Variants in CENPK observed in about 807,000 individuals in gnomAD.
CENPK encodes the protein centromere protein K.
A neutral mutation model predicts 40.9 loss-of-function variants in CENPK; 46 were observed. That is an observed-to-expected ratio of 1.13 (90% CI 0.89 to 1.44). CENPK has a LOEUF of 1.44. Ranked by LOEUF, CENPK falls within the 40% of genes most tolerant of loss-of-function variation. CENPK has a pLI of 0.00. For missense variants in CENPK, 288 were observed against 303.5 expected, an observed-to-expected ratio of 0.95 and a Z score of 0.38; for synonymous variants, 107 against 104.4, an observed-to-expected ratio of 1.02 and a Z score of -0.15.
At chr5:65,552,130 T>C (rs940815919) in intron 4 of CENPK, among the ~76,000 whole-genome samples, 1 of 152,152 alleles carries the variant, frequency 6.6e-6, no homozygotes, top group Non-Finnish European at 1.5e-5. Flanking sequence ...CAGCTAATTT[T>C]TTTGTACTTT....
chr5:65,524,075 A>C (rs1485513996), intron 9 of CENPK, among the ~76,000 whole-genome samples: 1 of 152,176 alleles, frequency 6.6e-6, no homozygotes, highest in Non-Finnish European at 1.5e-5. Flanking sequence ...GATTAAACTT[A>C]ACAACTCTTG....
chr5:65,532,976 T>C (rs1020984100), intron 6 of CENPK, among the ~76,000 whole-genome samples: 1 of 119,384 alleles, frequency 8.4e-6, no homozygotes, highest in Non-Finnish European at 1.8e-5. Context: ...ACCATATCAA[T>C]AGATTTAAAA....
intron 9 of CENPK, among the ~76,000 whole-genome samples, chr5:65,527,535 A>AC (rs1744935050): frequency 6.8e-5 from 5 of 73,922 alleles, no homozygotes; most frequent in Non-Finnish European, 9.3e-5. Context: ...ATATATATAT[A>AC]TATATATATA....
At chr5:65,513,787 C>T (rs1002799537), downstream of CENPK, among the ~76,000 whole-genome samples, 1 of 152,172 alleles carries the variant, frequency 6.6e-6, no homozygotes, top group African/African-American at 2.4e-5. Context: ...TGCCTTGTTT[C>T]TGTTCTTCAA....
chr5:65,532,674 C>A (rs1245549699), intron 6 of CENPK, among the ~76,000 whole-genome samples: 1 of 151,840 alleles, frequency 6.6e-6, no homozygotes, highest in Non-Finnish European at 1.5e-5. Context: ...CTTTCGGAGG[C>A]TGAGGCGGGC....
rs375146580 is a variant in CENPK, at chr5:65,530,720, G to A, written c.289-1521C>T. Among the ~76,000 whole-genome samples the A allele has an allele frequency of 1.9e-3, 283 of 152,176 alleles. 2 individuals carry two copies. Among genetic ancestry groups the A allele is most frequent in the African/African-American group, 6.5e-3 (272 of 41,556 alleles). On this transcript the variant is annotated intron_variant, in intron 6 of 10. Coordinates refer to ENST00000396679, the MANE Select transcript of CENPK (RefSeq NM_022145.5). ...TACTGATAATTAGAGACCAGCCTGG[G>A]CAACATGGTGAAACCCTGTCTCTAT...
chr5:65,520,039 A>G (rs71626580), intron 10 of CENPK, among the ~76,000 whole-genome samples: 7,194 of 152,210 alleles, frequency 0.047, 293 homozygotes, highest in African/African-American at 0.1. Context: ...TGTGTCCCCT[A>G]CCAAATCTCA....
intron 5 of CENPK, among the ~76,000 whole-genome samples, chr5:65,550,219 C>T (rs1749734583): frequency 6.7e-6 from 1 of 150,200 alleles, no homozygotes; most frequent in Admixed American, 6.6e-5. Context: ...CCATTCACAA[C>T]TTGGCTAACT....
chr5:65,507,187 T>C, the CENPK span, among the ~76,000 whole-genome samples: 7 of 152,134 alleles, frequency 4.6e-5, no homozygotes, highest in African/African-American at 7.2e-5. Flanking sequence ...AGATGTCCCA[T>C]GCAGACCAAG....
rs1217910725 is a variant in CENPK, at chr5:65,518,349, T to C, written c.*126A>G. 2 of 875,548 alleles carry C rather than the reference T, an allele frequency of 2.3e-6. No individual in the cohort carries two copies. The highest frequency in any genetic ancestry group is 1.7e-5 in the African/African-American group (1 of 57,876). The allele number at this position is 875,548 out of a possible 1,614,324, so 54.2% of individuals were successfully genotyped here. A position where few individuals can be genotyped will look rare whatever the true frequency, so the allele number is the denominator to read the frequency against. ...TAATAGATGGCAGCACATGCCATTTTGCAATAAAAGTAAGATGGCCTATGC... is the reference window on the plus strand; with the variant it reads ...TAATAGATGGCAGCACATGCCATTTCGCAATAAAAGTAAGATGGCCTATGC... On this transcript the variant is annotated 3_prime_UTR_variant, in exon 11 of 11. Coordinates refer to ENST00000396679, the MANE Select transcript of CENPK (RefSeq NM_022145.5).
intron 9 of CENPK, among the ~76,000 whole-genome samples, chr5:65,526,248 A>C (rs1323995096): frequency 1.3e-5 from 2 of 152,150 alleles, no homozygotes; most frequent in African/African-American, 4.8e-5. Context: ...TGGGACCAGA[A>C]AATAAATCAG....
At chr5:65,535,965 C>T (rs2150411301) in intron 6 of CENPK, among the ~76,000 whole-genome samples, 1 of 152,294 alleles carries the variant, frequency 6.6e-6, no homozygotes, top group East Asian at 1.9e-4. Context: ...TATAAAACAA[C>T]AGCTGCACTG....
chr5:65,541,392 A>G (rs1482339754), intron 6 of CENPK: 1 of 456,178 alleles, frequency 2.2e-6, no homozygotes, highest in African/African-American at 2.0e-5. Flanking sequence ...GTGAATTAAG[A>G]GGACACCCAA....
downstream of CENPK, among the ~76,000 whole-genome samples, chr5:65,517,551 T>C (rs186575584): frequency 1.3e-5 from 2 of 152,148 alleles, no homozygotes; most frequent in Non-Finnish European, 2.9e-5. Flanking sequence ...AAATATGAAG[T>C]AATTAAGGTA....
At chr5:65,536,857 T>A (rs1397466905) in intron 6 of CENPK, among the ~76,000 whole-genome samples, 1 of 152,204 alleles carries the variant, frequency 6.6e-6, no homozygotes, top group African/African-American at 2.4e-5. Context: ...CTATAGAAAC[T>A]TGGTTGCCAT....
the CENPK span, among the ~76,000 whole-genome samples, chr5:65,499,674 T>A: frequency 2.9e-3 from 432 of 148,026 alleles, 3 homozygotes; most frequent in East Asian, 0.027. Context: ...TTAATTTTTT[T>A]TTTTTTATTA....
chr5:65,500,051 C>T, the CENPK span, among the ~76,000 whole-genome samples: 3 of 58,280 alleles, frequency 5.1e-5, 1 homozygote, highest in African/African-American at 2.0e-4. Flanking sequence ...GCCACATTTT[C>T]TTAATCCAGT....
intron 5 of CENPK, among the ~76,000 whole-genome samples, chr5:65,546,345 A>AAAAG (rs1554113457): frequency 2.6e-5 from 4 of 151,390 alleles, no homozygotes; most frequent in Admixed American, 6.6e-5. Flanking sequence ...GCAAAATGAA[A>AAAAG]AAGAATCTAG....
chr5:65,553,797 C>T (rs1750523914), intron 3 of CENPK, among the ~76,000 whole-genome samples: 1 of 152,172 alleles, frequency 6.6e-6, no homozygotes. Flanking sequence ...ACTAGAGCTT[C>T]CTAAATGCTT....
Sources: allele counts gnomAD v4.1 joint callset (sites outside exome capture counted in the v4.1 genomes callset), GRCh38; gene constraint gnomAD v4.1.1; transcripts MANE v1.5; gene names NCBI Gene and HGNC (gene_info 2026-07-23, HGNC 2026-07-21).